The following NLGN2 variants were observed in gnomAD, a reference collection of about 807,000 sequenced individuals.
NLGN2 encodes the protein neuroligin-2.
A neutral mutation model predicts 48.6 loss-of-function variants in NLGN2; 11 were observed. That is an observed-to-expected ratio of 0.23 (90% CI 0.14 to 0.37). The LOEUF (loss-of-function observed/expected upper bound fraction) is 0.37. Ranked by LOEUF, NLGN2 falls within the 10% of genes least tolerant of loss-of-function variation. NLGN2 has a pLI of 1.00. For synonymous variants in NLGN2, 548 were observed against 550.0 expected (o/e 1.00, Z 0.05); for missense variants, 801 against 1,225.2 (o/e 0.65, Z 5.17).
chr17:7,417,565 C>T lies in NLGN2; in HGVS notation c.2274C>T (p.Ala758=), dbSNP rs370535198. ...GTGGTGGCGTCGGGGCGGACCCTGCCGAGGCTCTGCGCCCTGCCTGCCCGC... is the reference window on the plus strand; with the variant it reads ...GTGGTGGCGTCGGGGCGGACCCTGCTGAGGCTCTGCGCCCTGCCTGCCCGC... ...KRGGGVGADP[A]EALRPACPPD... is the part of the protein sequence containing the mutation. Residue 758 remains alanine, a synonymous_variant, in exon 7 of 7, where the codon GCC becomes GCT. Transcript: ENST00000302926. 9 of 1,443,708 alleles carry T rather than the reference C, an allele frequency of 6.2e-6. No individual in the cohort carries two copies. Among genetic ancestry groups the T allele is most frequent in the African/African-American group, 1.5e-5 (1 of 67,974 alleles). The allele number at this position is 1,443,708 out of a possible 1,614,324, so 89.4% of individuals were successfully genotyped here.
chr17:7,412,098 A>G, intron 1 of NLGN2, 59 bp from the exon 2 acceptor site: 5 of 469,506 alleles, frequency 1.1e-5, no homozygotes, highest in Non-Finnish European at 1.6e-5. Context: ...CCTCCCCCCG[A>G]CCCCCATCTT....
At chr17:7,410,167 C>T (rs1486768547) in intron 1 of NLGN2, among the ~76,000 whole-genome samples, 1 of 150,726 alleles carries the variant, frequency 6.6e-6, no homozygotes, top group East Asian at 1.9e-4. Flanking sequence ...ACCATGCCCC[C>T]TGCACTCAGA....
intron 2 of NLGN2, 52 bp from the exon 3 acceptor site, chr17:7,414,292 T>A: frequency 1.3e-6 from 2 of 1,556,986 alleles, no homozygotes; most frequent in Non-Finnish European, 1.8e-6. Context: ...CCGGTCTGAC[T>A]GTGTCCTTGT....
intron 6 of NLGN2, 40 bp downstream of exon 6, chr17:7,416,147 T>A: frequency 6.9e-7 from 1 of 1,445,898 alleles, no homozygotes; most frequent in Non-Finnish European, 9.7e-7. Context: ...GGCGGGGCCC[T>A]CCCTCCTTCA....
At position 7,417,295 on chromosome 17, in the gene NLGN2, C is replaced by A. The variant is rs374986007; in HGVS notation, c.2004C>A (p.Asp668Glu). The change falls in exon 7 of 7, where the codon GAC becomes GAA. Residue 668 changes from aspartate (D) to glutamate (E), a missense_variant. By Grantham distance (45) the Asp-to-Glu change is conservative. Around this residue, in one of 5 missense-constraint regions of NLGN2, gnomAD observed 276 missense variants for 313.9 expected, o/e 0.88. Coordinates refer to ENST00000302926, the MANE Select transcript of NLGN2 (RefSeq NM_020795.4). Reference protein sequence around the residue: ...GPRAYDRFPGDSRDYSTELSV... With the variant: ...GPRAYDRFPGESRDYSTELSV... ...GGGCCTATGACCGCTTCCCCGGGGA[C>A]TCACGGGACTACTCCACGGAGCTGA... 6 of 1,603,492 alleles carry A rather than the reference C, an allele frequency of 3.7e-6. No homozygotes were observed. The East Asian group carries it at 1.1e-4, about 31-fold the overall frequency.
Position 7,408,075 on chromosome 17 carries a change from A to T in NLGN2, c.-181A>T. The T allele has an allele frequency of 6.7e-6, 2 of 299,458 alleles. No homozygotes were observed. The highest frequency in any genetic ancestry group is 1.2e-5 in the Non-Finnish European group (2 of 167,438). The allele number at this position is 299,458 out of a possible 1,614,324, so 18.6% of individuals were successfully genotyped here. A position where few individuals can be genotyped will look rare whatever the true frequency, so the allele number is the denominator to read the frequency against. ...TCCCCACCCCGTGCCCCCTCCATGG[A>T]GAGGAACAGACCCCTTCTCTGTCCA... On this transcript the variant is annotated 5_prime_UTR_variant, in exon 1 of 7. Transcript: ENST00000302926. The surrounding 1 kb of genome is among the most constrained non-coding windows in gnomAD (Gnocchi z 7.5).
intron 4 of NLGN2, 35 bp downstream of exon 4, chr17:7,414,883 C>T (rs1907035576): frequency 1.2e-6 from 2 of 1,613,600 alleles, no homozygotes; most frequent in African/African-American, 2.7e-5. Flanking sequence ...CCACCCTTCC[C>T]AACCCTGCCA....
At chr17:7,409,777 C>T (rs1906800840) in intron 1 of NLGN2, among the ~76,000 whole-genome samples, 1 of 152,104 alleles carries the variant, frequency 6.6e-6, no homozygotes, top group African/African-American at 2.4e-5. Flanking sequence ...ATCCCAACTA[C>T]TCCACAATTA....
chr17:7,417,640 G>T lies in NLGN2; in HGVS notation c.2349G>T (p.Leu783Phe), dbSNP rs200595403. 2.1e-6 allele frequency: 3 copies of T among 1,404,420 alleles called. No individual in the cohort carries two copies. The highest frequency in any genetic ancestry group is 2.8e-6 in the Non-Finnish European group (3 of 1,088,598). 87.0% of individuals were successfully genotyped at this position (1,404,420 alleles called of 1,614,324 possible). A position where few individuals can be genotyped will look rare whatever the true frequency, so the allele number is the denominator to read the frequency against. Reference protein sequence around the residue: ...LRRAPDDVPLLAPGALTLLPS... With the variant: ...LRRAPDDVPLFAPGALTLLPS... ...GGGCACCGGACGATGTGCCTCTCTT[G>T]GCCCCCGGGGCCCTGACCCTGCTGC... The change falls in exon 7 of 7, where the codon TTG (leucine) becomes TTT (phenylalanine). Residue 783 changes from leucine (L) to phenylalanine (F), a missense_variant. Around this residue, in one of 5 missense-constraint regions of NLGN2, gnomAD observed 276 missense variants for 313.9 expected, o/e 0.88. Transcript: ENST00000302926.
In NLGN2 at chr17:7,415,159, G is replaced by A; in HGVS notation, c.1037+11G>A. 6.3e-7 allele frequency: 1 copy of A among 1,582,400 alleles called. No homozygotes were observed. Among genetic ancestry groups the A allele is most frequent in the Non-Finnish European group, 8.6e-7 (1 of 1,164,918 alleles). On this transcript the variant is annotated intron_variant, in intron 5 of 6. Transcript: ENST00000302926. Reference sequence around the variant, plus strand: ...CGTGCAGCCTGCCCGGTATGGGGTGGGAGAGGGCTGGGTCCAGGCCTTCAA... The same window carrying A: ...CGTGCAGCCTGCCCGGTATGGGGTGAGAGAGGGCTGGGTCCAGGCCTTCAA...
Position 7,418,278 on chromosome 17 carries a change from G to C in NLGN2, c.*479G>C, listed in dbSNP as rs2150819469. ...CCTGGAAGTGGTGTGTTCACATACA[G>C]TGACCCTTGGCCACCAGACCACAGA... is the stretch of plus-strand genomic sequence containing the variant. On this transcript the variant is annotated 3_prime_UTR_variant, in exon 7 of 7. Coordinates refer to ENST00000302926, the MANE Select transcript of NLGN2 (RefSeq NM_020795.4). The C allele has an allele frequency of 6.6e-6, 1 of 152,224 alleles. No individual in the cohort carries two copies. The highest frequency in any genetic ancestry group is 6.5e-5 in the Admixed American group (1 of 15,284). 9.4% of individuals were successfully genotyped at this position (152,224 alleles called of 1,614,324 possible). A position where few individuals can be genotyped will look rare whatever the true frequency, so the allele number is the denominator to read the frequency against.
chr17:7,410,305 G>A (rs1164180269), intron 1 of NLGN2, among the ~76,000 whole-genome samples: 3 of 150,308 alleles, frequency 2.0e-5, no homozygotes, highest in Non-Finnish European at 4.4e-5. Flanking sequence ...TATAAACCAC[G>A]CCTCCCCACA....
rs1190254554 is a variant in NLGN2 at position 7,408,196 on chromosome 17, CT to C, written c.-58del. The stretch of plus-strand genomic sequence containing the variant: ...GGGGGGCCTCCCTCCCTCTCCCCCC[CT>C]TCTCTCTCTCTCCGAGGGGGGGGGG... On this transcript the variant is annotated 5_prime_UTR_variant, in exon 1 of 7. Coordinates refer to ENST00000302926, the MANE Select transcript of NLGN2 (RefSeq NM_020795.4). The surrounding 1 kb of genome is among the most constrained non-coding windows in gnomAD (Gnocchi z 7.5). The C allele has an allele frequency of 4.2e-6, 4 of 960,592 alleles. No homozygotes were observed. The highest frequency in any genetic ancestry group is 4.2e-6 in the Non-Finnish European group (3 of 717,542). 59.5% of individuals were successfully genotyped at this position (960,592 alleles called of 1,614,324 possible).
chr17:7,406,506 G>C (rs1048527101), upstream of NLGN2, among the ~76,000 whole-genome samples: 9 of 152,146 alleles, frequency 5.9e-5, no homozygotes, highest in Non-Finnish European at 1.3e-4. Flanking sequence ...AAGCTGAAAG[G>C]CAGGGGGCAT....
intron 2 of NLGN2, among the ~76,000 whole-genome samples, chr17:7,412,805 C>CT (rs1169307825): frequency 2.0e-5 from 3 of 151,636 alleles, no homozygotes; most frequent in African/African-American, 7.3e-5. Context: ...GAATTTTTTT[C>CT]TTTTTTTCTT....
chr17:7,416,551 C>T (rs1456260474), intron 6 of NLGN2, among the ~76,000 whole-genome samples: 3 of 152,096 alleles, frequency 2.0e-5, no homozygotes, highest in Non-Finnish European at 4.4e-5. Flanking sequence ...CTCTGGCTGC[C>T]GGCTGATTTC....
In NLGN2 at chr17:7,411,536, G is replaced by T. The variant is rs1004390240; in HGVS notation, c.458-621G>T. Among the ~76,000 whole-genome samples, 1 of 152,236 alleles carries T rather than the reference G, an allele frequency of 6.6e-6. No individual in the cohort carries two copies. The highest frequency in any genetic ancestry group is 1.5e-5 in the Non-Finnish European group (1 of 68,028). On this transcript the variant is annotated intron_variant, in intron 1 of 6. Coordinates refer to ENST00000302926, the MANE Select transcript of NLGN2 (RefSeq NM_020795.4). The surrounding 1 kb of genome is among the most constrained non-coding windows in gnomAD (Gnocchi z 4.5). ...TTCCCATAGCCCTCCAGTGGGGAGC[G>T]GAAGGCTTCTGGGGCTGAGCTGTGG...
chr17:7,417,829 C>A lies in NLGN2; in HGVS notation c.*30C>A. 7.4e-7 allele frequency: 1 copy of A among 1,350,062 alleles called. No homozygotes were observed. The highest frequency in any genetic ancestry group is 3.6e-5 in the Admixed American group (1 of 27,452). 83.6% of individuals were successfully genotyped at this position (1,350,062 alleles called of 1,614,324 possible). ...TGGGTGGGGAGGCCCTCCTCCCCGG[C>A]CCTCCCTGGCCCGGCCACTCCGAAG... On this transcript the variant is annotated 3_prime_UTR_variant, in exon 7 of 7. Transcript: ENST00000302926.
intron 2 of NLGN2, among the ~76,000 whole-genome samples, 199 bp from the exon 3 acceptor site, chr17:7,414,145 G>GT (rs1907000380): frequency 2.6e-5 from 4 of 152,074 alleles, no homozygotes; most frequent in Admixed American, 6.5e-5. Flanking sequence ...CTGGCAGAGG[G>GT]TGGGGAGGGA....
Sources: gnomAD v4.1 joint callset for allele counts (sites outside exome capture counted in the v4.1 genomes callset) on GRCh38, gnomAD v4.1.1 for gene constraint, gnomAD v4.1.1 regional missense constraint, Gnocchi (gnomAD v3.1) non-coding constraint, MANE v1.5 for transcripts, NCBI Gene and HGNC (gene_info 2026-07-23, HGNC 2026-07-21) for gene names.